DHDDS: variants seen among roughly 807,000 people sequenced by gnomAD.
The protein encoded by DHDDS is dehydrodolichyl diphosphate synthase subunit, also known as dehydrodolichyl diphosphate synthase complex subunit DHDDS.
Under a neutral mutation model 46.2 loss-of-function variants are expected in DHDDS, and 16 were observed. The ratio of observed to expected loss-of-function variants is 0.35; its 90% CI spans 0.23 to 0.53. The LOEUF (loss-of-function observed/expected upper bound fraction) is 0.53. Ranked by LOEUF, DHDDS falls within the 20% of genes least tolerant of loss-of-function variation. The pLI is 0.94. For synonymous variants in DHDDS, 151 were observed against 163.1 expected, an observed-to-expected ratio of 0.93 and a Z score of 0.56; for missense variants, 340 against 423.7, an observed-to-expected ratio of 0.80 and a Z score of 1.73.
chr1:26,456,206 A>T (rs1199460162), intron 6 of DHDDS, among the ~76,000 whole-genome samples: 3 of 152,044 alleles, frequency 2.0e-5, no homozygotes, highest in Admixed American at 2.0e-4. Context: ...TGACTTAAAT[A>T]AGATTTTAAA....
intron 6 of DHDDS, chr1:26,447,882 C>G: frequency 4.9e-6 from 3 of 613,894 alleles, no homozygotes; most frequent in Non-Finnish European, 8.7e-6. Context: ...CCCCTCTGTG[C>G]CATGTACTTG....
At position 26,438,087 on chromosome 1, in the gene DHDDS, C is replaced by T. The variant is rs2075179207; in HGVS notation, c.64-81C>T. The stretch of plus-strand genomic sequence containing the variant: ...CAGGGTTTTCATCACATAGCCCAAA[C>T]ATATCACCTTGGGGTGTAGTGTCTT... On this transcript the variant is annotated intron_variant, in intron 2 of 8. Transcript: ENST00000236342. The T allele has an allele frequency of 1.9e-5, 27 of 1,446,670 alleles. No individual in the cohort carries two copies. In the South Asian group the frequency reaches 2.9e-4, roughly 15 times the overall value. The allele number at this position is 1,446,670 out of a possible 1,614,324, so 89.6% of individuals were successfully genotyped here. A position where few individuals can be genotyped will look rare whatever the true frequency, so the allele number is the denominator to read the frequency against.
intron 3 of DHDDS, among the ~76,000 whole-genome samples, chr1:26,441,137 C>G (rs146646419): frequency 0.056 from 8,527 of 151,968 alleles, 273 homozygotes; most frequent in Admixed American, 0.094. Context: ...GTTGGTCAGG[C>G]TGGTCTTGAA....
intron 6 of DHDDS, 107 bp from the exon 7 acceptor site, chr1:26,457,684 A>C: frequency 1.2e-6 from 1 of 820,532 alleles, no homozygotes; most frequent in Non-Finnish European, 2.1e-6. Context: ...ATTTGATGGT[A>C]TTGTATAAAC....
intron 6 of DHDDS, among the ~76,000 whole-genome samples, chr1:26,452,198 C>T (rs999123342): frequency 1.3e-5 from 2 of 151,906 alleles, no homozygotes; most frequent in Non-Finnish European, 2.9e-5. Flanking sequence ...GATACTGCTA[C>T]CACATCTGGC....
intron 8 of DHDDS, among the ~76,000 whole-genome samples, chr1:26,463,701 T>C (rs542897997): frequency 6.6e-6 from 1 of 152,080 alleles, no homozygotes; most frequent in Non-Finnish European, 1.5e-5. Flanking sequence ...AGATGGGGTT[T>C]CTCCATGTTG....
intron 6 of DHDDS, among the ~76,000 whole-genome samples, chr1:26,455,612 T>C (rs1396698183): frequency 6.6e-6 from 1 of 152,170 alleles, no homozygotes; most frequent in East Asian, 1.9e-4. Context: ...CCGGGTGTGG[T>C]GGTGGCTGCC....
intron 3 of DHDDS, 92 bp from the exon 4 acceptor site, chr1:26,442,639 A>G (rs979132330): frequency 3.7e-5 from 56 of 1,494,072 alleles, no homozygotes; most frequent in Admixed American, 5.0e-5. Context: ...TCTGTCTCCT[A>G]TCTCCAACTC....
chr1:26,466,806 A>G (rs967268462), intron 8 of DHDDS, among the ~76,000 whole-genome samples: 1 of 152,226 alleles, frequency 6.6e-6, no homozygotes, highest in Non-Finnish European at 1.5e-5. Flanking sequence ...GTTAATAGCC[A>G]AGCAGTAGGC....
intron 4 of DHDDS, 51 bp from the exon 5 acceptor site, chr1:26,446,265 C>G (rs759383998): frequency 1.9e-6 from 3 of 1,577,256 alleles, no homozygotes; most frequent in Non-Finnish European, 2.6e-6. Flanking sequence ...ACCTTGCTCT[C>G]TCCAGCTCAG....
At chr1:26,442,667 G>C in intron 3 of DHDDS, 64 bp from the exon 4 acceptor site, 1 of 1,605,820 alleles carries the variant, frequency 6.2e-7, no homozygotes, top group South Asian at 1.1e-5. Context: ...GGACCAAAAA[G>C]TATCTCTTAT....
chr1:26,434,820 A>ATT (rs67223673), intron 2 of DHDDS, among the ~76,000 whole-genome samples: 5 of 129,144 alleles, frequency 3.9e-5, no homozygotes, highest in Non-Finnish European at 3.3e-5. Context: ...TGCCTGGCTA[A>ATT]TTTTTTTTTT....
At chr1:26,456,685 G>A (rs376098935) in intron 6 of DHDDS, among the ~76,000 whole-genome samples, 34 of 152,144 alleles carry the variant, frequency 2.2e-4, no homozygotes, top group African/African-American at 7.7e-4. Flanking sequence ...GAGTCACCAC[G>A]CCTGGCCAAA....
In DHDDS at chr1:26,471,158, C is replaced by A. The variant is rs1470320348; in HGVS notation, c.*2027C>A. The A allele has an allele frequency of 6.6e-6, 1 of 152,208 alleles. No homozygotes were observed. The highest frequency in any genetic ancestry group is 1.5e-5 in the Non-Finnish European group (1 of 68,042). The allele number at this position is 152,208 out of a possible 1,614,324, so 9.4% of individuals were successfully genotyped here. ...TTGCTTTGGACAGGTGTGATTTGTGCAAGCCAGGTTCAACCCTTGCCTCAA... is the reference window on the plus strand; with the variant it reads ...TTGCTTTGGACAGGTGTGATTTGTGAAAGCCAGGTTCAACCCTTGCCTCAA... On this transcript the variant is annotated 3_prime_UTR_variant, in exon 9 of 9. Coordinates refer to ENST00000236342, the MANE Select transcript of DHDDS (RefSeq NM_205861.3).
intron 8 of DHDDS, among the ~76,000 whole-genome samples, chr1:26,464,061 C>T (rs544152691): frequency 1.4e-5 from 2 of 138,032 alleles, no homozygotes; most frequent in East Asian, 4.3e-4. Flanking sequence ...GGCATGATCT[C>T]GGCTCACTGC....
intron 6 of DHDDS, among the ~76,000 whole-genome samples, chr1:26,452,457 C>T (rs2075330434): frequency 6.6e-6 from 1 of 152,200 alleles, no homozygotes; most frequent in East Asian, 1.9e-4. Flanking sequence ...TTCTATTCCA[C>T]CGTGTTACCT....
chr1:26,449,583 C>T lies in DHDDS; in HGVS notation c.542+1923C>T, dbSNP rs140608685. 8.8e-4 allele frequency among the ~76,000 whole-genome samples: 134 copies of T among 151,700 alleles called. 1 individual carries two copies. The highest frequency in any genetic ancestry group is 3.1e-3 in the African/African-American group (128 of 41,380). The stretch of plus-strand genomic sequence containing the variant: ...GCTCAGCTAATTCTTTTTTTGGAGA[C>T]AGAGTCTCACTCTTGCCCAGGCTGG... On this transcript the variant is annotated intron_variant, in intron 6 of 8. Transcript: ENST00000236342.
At chr1:26,447,927 T>C (rs1318670445) in intron 6 of DHDDS, 2 of 593,652 alleles carry the variant, frequency 3.4e-6, no homozygotes, top group African/African-American at 3.7e-5. Context: ...TGTGGAAAGA[T>C]TTAAGGGGAT....
At chr1:26,439,655 C>T (rs1049312336) in intron 3 of DHDDS, among the ~76,000 whole-genome samples, 10 of 152,146 alleles carry the variant, frequency 6.6e-5, no homozygotes, top group African/African-American at 2.4e-4. Context: ...ACTACTCATT[C>T]TGCTTTGCCA....
Sources: allele counts gnomAD v4.1 joint callset (sites outside exome capture counted in the v4.1 genomes callset), GRCh38; gene constraint gnomAD v4.1.1; transcripts MANE v1.5; gene names NCBI Gene and HGNC (gene_info 2026-07-23, HGNC 2026-07-21).